RRBP1: variants seen among roughly 807,000 people sequenced by gnomAD.
RRBP1 encodes ribosome-binding protein 1.
A neutral mutation model predicts 165.2 loss-of-function variants in RRBP1; 94 were observed. That is an observed-to-expected ratio of 0.57 (90% CI 0.48 to 0.68). The LOEUF (loss-of-function observed/expected upper bound fraction) is 0.68, where lower values mean the gene tolerates loss of function less well. Among genes scored for constraint, RRBP1 ranks in the 30% least tolerant of loss-of-function variants. The pLI is 0.00. For missense variants in RRBP1, 1,676 were observed against 1,763.0 expected (o/e 0.95, Z 0.88); for synonymous variants, 680 against 714.5 (o/e 0.95, Z 0.77).
At chr20:17,627,781 C>T (rs540224872) in intron 9 of RRBP1, 99 bp from the exon 10 acceptor site, 44 of 1,179,280 alleles carry the variant, frequency 3.7e-5, no homozygotes, top group East Asian at 2.6e-4. Context: ...TGTGGGGCAC[C>T]GAGGGCTTCC....
At position 17,659,348 on chromosome 20, in the gene RRBP1, T is replaced by C; in HGVS notation, c.1160A>G (p.Asn387Ser). ...NQGKKAEGAQ[N>S]QGKKVEGAQN... The stretch of plus-strand genomic sequence containing the variant: ...GGCCCCTTCTACTTTTTTGCCCTGG[T>C]TCTGAGCCCCCTCGGCCTTTTTGCC... The change falls in exon 3 of 25, where the codon AAC (asparagine) becomes AGC (serine). Residue 387 changes from asparagine (N) to serine (S), a missense_variant. By Grantham distance (46) the Asn-to-Ser change is conservative. Transcript: ENST00000377813. 1.9e-6 allele frequency: 3 copies of C among 1,538,724 alleles called. No homozygotes were observed. Among genetic ancestry groups the C allele is most frequent in the Non-Finnish European group, 2.6e-6 (3 of 1,143,170 alleles).
At position 17,617,018 on chromosome 20, in the gene RRBP1, A is replaced by G. The variant is rs114764800; in HGVS notation, c.3760-179T>C. On this transcript the variant is annotated intron_variant, in intron 20 of 24. Transcript: ENST00000377813. ...CACCCCCGCCGCCAACCTGAGCCAAACCAAGGCCACCAAGCCTCTGGGCTA... is the reference window on the plus strand; with the variant it reads ...CACCCCCGCCGCCAACCTGAGCCAAGCCAAGGCCACCAAGCCTCTGGGCTA... Among the ~76,000 whole-genome samples the G allele has an allele frequency of 4.1e-3, 623 of 152,292 alleles. 4 individuals are homozygous for G. The highest frequency in any genetic ancestry group is 0.014 in the African/African-American group (597 of 41,570).
At chr20:17,677,907 C>A (rs1470055652) in intron 2 of RRBP1, among the ~76,000 whole-genome samples, 1 of 152,110 alleles carries the variant, frequency 6.6e-6, no homozygotes, top group Non-Finnish European at 1.5e-5. Flanking sequence ...TGTAAATAGT[C>A]ACTGGTGTAG....
chr20:17,658,873 G>A lies in RRBP1; in HGVS notation c.1635C>T (p.Ile545=), dbSNP rs779236709. 6.2e-7 allele frequency: 1 copy of A among 1,613,658 alleles called. No individual in the cohort carries two copies. Among genetic ancestry groups the A allele is most frequent in the South Asian group, 1.1e-5 (1 of 91,078 alleles). The change falls in exon 3 of 25, where the codon ATC becomes ATT. Residue 545 remains isoleucine (I), a synonymous_variant. Coordinates refer to ENST00000377813, the MANE Select transcript of RRBP1 (RefSeq NM_001365613.2). ...NQGKKGEGAP[I]QGKKADSVAN... ...CAACCGAATCTGCCTTTTTGCCCTG[G>A]ATGGGAGCTCCCTCTCCTTTTTTGC...
chr20:17,671,758 G>A (rs3790308), intron 2 of RRBP1, among the ~76,000 whole-genome samples: 103,650 of 152,046 alleles, frequency 0.68, 38,068 homozygotes, highest in East Asian at 0.88. Context: ...AAAGGCCCCC[G>A]GGGTTGTCCT....
chr20:17,632,866 C>G (rs1294237517), intron 8 of RRBP1, among the ~76,000 whole-genome samples: 1 of 152,140 alleles, frequency 6.6e-6, no homozygotes, highest in Non-Finnish European at 1.5e-5. Flanking sequence ...CAATCTTCCT[C>G]CCTCTGAAGG....
rs1318009847 is a variant in RRBP1, at chr20:17,659,703, C to T, written c.805G>A (p.Gly269Ser). ...TTTGGGGTTGTATCTACCTTTTTAC[C>T]CTGGTTCTGGGCCCCCTCCGCCTTT... The part of the protein sequence containing the change: ...GKKAEGAQNQ[G>S]KKVDTTPNQG... Residue 269 changes from glycine to serine, a missense_variant, in exon 3 of 25, where the codon GGT becomes AGT. This residue lies in a region of RRBP1 where 392 missense variants were observed against 382.5 expected (regional missense o/e 1.02). Transcript: ENST00000377813. 7 of 1,550,500 alleles carry T rather than the reference C, an allele frequency of 4.5e-6. No homozygotes were observed. The highest frequency in any genetic ancestry group is 3.6e-5 in the South Asian group (3 of 84,062).
At chr20:17,620,609 CCCA>C (rs1299848129) in intron 17 of RRBP1, 103 bp downstream of exon 17, 2 of 908,850 alleles carry the variant, frequency 2.2e-6, no homozygotes, top group Non-Finnish European at 1.8e-6. Context: ...GTGGAAAAGC[CCCA>C]CCGAGACACA....
intron 3 of RRBP1, among the ~76,000 whole-genome samples, chr20:17,650,530 C>T (rs1256987608): frequency 6.6e-6 from 1 of 152,204 alleles, no homozygotes; most frequent in Non-Finnish European, 1.5e-5. Context: ...CTTGGGTGAG[C>T]TCCAGACTCC....
rs769653214 is a variant in RRBP1 at position 17,643,027 on chromosome 20, G to A, written c.2013C>T (p.Ile671=). 6.8e-6 allele frequency: 11 copies of A among 1,614,066 alleles called. No homozygotes were observed. Among genetic ancestry groups the A allele is most frequent in the Admixed American group, 6.7e-5 (4 of 60,028 alleles). The part of the protein sequence containing the change: ...VFNEGEAQRL[I]EILSEKAGII... ...TGCCAGCCTTCTCAGACAGGATCTC[G>A]ATGAGCCGCTGGGCCTCGCCCTCGT... Residue 671 remains isoleucine, a synonymous_variant, in exon 4 of 25, where the codon ATC becomes ATT. Coordinates refer to ENST00000377813, the MANE Select transcript of RRBP1 (RefSeq NM_001365613.2). The surrounding 1 kb of genome is among the most constrained non-coding windows in gnomAD (Gnocchi z 4.3).
Position 17,640,741 on chromosome 20 carries a change from G to A in RRBP1, c.2184+1056C>T, listed in dbSNP as rs141517397. 8.4e-4 allele frequency among the ~76,000 whole-genome samples: 128 copies of A among 152,302 alleles called. 1 individual carries two copies. The highest frequency in any genetic ancestry group is 2.9e-3 in the African/African-American group (122 of 41,556). ...AGGGTGGAGAGCAGCATCGAAGAGC[G>A]GCCATCTAAGGTGTGTCTTCTGGTC... On this transcript the variant is annotated intron_variant, in intron 5 of 24. Coordinates refer to ENST00000377813, the MANE Select transcript of RRBP1 (RefSeq NM_001365613.2).
At chr20:17,680,614 C>G (rs1284118103) in intron 1 of RRBP1, among the ~76,000 whole-genome samples, 2 of 152,072 alleles carry the variant, frequency 1.3e-5, no homozygotes, top group African/African-American at 4.8e-5. Flanking sequence ...GTTCCCGACC[C>G]TGTGAGTGGG....
chr20:17,681,211 C>T (rs1004089151), intron 1 of RRBP1, among the ~76,000 whole-genome samples: 1 of 148,446 alleles, frequency 6.7e-6, no homozygotes, highest in Non-Finnish European at 1.5e-5. Context: ...GCGGGGCGGG[C>T]CGGGCCCCGG....
chr20:17,616,457 T>C (rs2035801304), intron 21 of RRBP1, among the ~76,000 whole-genome samples: 1 of 152,108 alleles, frequency 6.6e-6, no homozygotes, highest in Non-Finnish European at 1.5e-5. Context: ...CCAGAGCTGC[T>C]CCTGAGCCCT....
intron 2 of RRBP1, among the ~76,000 whole-genome samples, chr20:17,676,896 T>C (rs181101637): frequency 6.6e-6 from 1 of 152,096 alleles, no homozygotes; most frequent in Non-Finnish European, 1.5e-5. Context: ...TACAGGCACA[T>C]GCCACCATGC....
intron 8 of RRBP1, among the ~76,000 whole-genome samples, chr20:17,632,148 C>T (rs2036162638): frequency 6.6e-6 from 1 of 152,196 alleles, no homozygotes; most frequent in South Asian, 2.1e-4. Context: ...CGACAGCTGG[C>T]GCCAAAGGCC....
chr20:17,621,481 A>G lies in RRBP1; in HGVS notation c.3391T>C (p.Tyr1131His), dbSNP rs765971192. ...ACCGTCTCCGCCAGGATGCTGCGGT[A>G]CTGGTCACACTCGGCCTGCAGTGTG... Reference protein sequence around the residue: ...QSTLQAECDQYRSILAETEGM... With the variant: ...QSTLQAECDQHRSILAETEGM... The change falls in exon 16 of 25, where the codon TAC becomes CAC. Residue 1131 changes from tyrosine to histidine, a missense_variant. Physicochemically the swap from Tyr to His is moderately conservative, Grantham distance 83. Around this residue, in one of 5 missense-constraint regions of RRBP1, gnomAD observed 1,184 missense variants for 1,167.1 expected, o/e 1.01. Transcript: ENST00000377813. 2 of 1,612,624 alleles carry G rather than the reference A, an allele frequency of 1.2e-6. No homozygotes were observed. Among genetic ancestry groups the G allele is most frequent in the South Asian group, 1.1e-5 (1 of 91,048 alleles).
intron 5 of RRBP1, among the ~76,000 whole-genome samples, chr20:17,637,516 T>C (rs1600745039): frequency 6.6e-6 from 1 of 152,076 alleles, no homozygotes; most frequent in African/African-American, 2.4e-5. Context: ...TGAATACATA[T>C]CATAAACACA....
At chr20:17,657,896 A>G (rs946720119) in intron 3 of RRBP1, among the ~76,000 whole-genome samples, 21 of 152,338 alleles carry the variant, frequency 1.4e-4, no homozygotes, top group African/African-American at 4.8e-4. Context: ...TCCTACCATC[A>G]TTCACTCAAC....
Sources: gnomAD v4.1 joint callset for allele counts (sites outside exome capture counted in the v4.1 genomes callset) on GRCh38, gnomAD v4.1.1 for gene constraint, gnomAD v4.1.1 regional missense constraint, Gnocchi (gnomAD v3.1) non-coding constraint, MANE v1.5 for transcripts, NCBI Gene and HGNC (gene_info 2026-07-23, HGNC 2026-07-21) for gene names.